Variants in RPL39L observed in about 807,000 individuals in gnomAD.
RPL39L encodes the protein ribosomal protein eL39-like 2.
For missense variants in RPL39L, 48 were observed against 58.9 expected (o/e 0.81, Z 0.61); for synonymous variants, 16 against 20.1 (o/e 0.80, Z 0.55).
At chr3:187,126,664 A>G (rs1292331818) in intron 2 of RPL39L, among the ~76,000 whole-genome samples, 1 of 152,236 alleles carries the variant, frequency 6.6e-6, no homozygotes, top group East Asian at 1.9e-4. Context: ...CAAAATAGTA[A>G]GGAATTATCA....
intron 1 of RPL39L, among the ~76,000 whole-genome samples, chr3:187,132,085 T>A (rs1314030328): frequency 1.3e-5 from 2 of 152,064 alleles, no homozygotes; most frequent in African/African-American, 4.8e-5. Context: ...CACATAACCA[T>A]TAGTTATGGT....
intron 1 of RPL39L, among the ~76,000 whole-genome samples, chr3:187,129,269 T>C (rs1720448410): frequency 6.6e-6 from 1 of 152,228 alleles, no homozygotes; most frequent in Non-Finnish European, 1.5e-5. Flanking sequence ...GTAGTCTAAA[T>C]ACATCTCCTA....
intron 1 of RPL39L, among the ~76,000 whole-genome samples, chr3:187,130,693 A>AT (rs1471362783): frequency 1.3e-5 from 2 of 152,214 alleles, no homozygotes; most frequent in African/African-American, 2.4e-5. Context: ...CCAGTCTCAG[A>AT]TATTTCCTTA....
At chr3:187,129,675 C>T (rs1026663864) in intron 1 of RPL39L, among the ~76,000 whole-genome samples, 8 of 152,120 alleles carry the variant, frequency 5.3e-5, no homozygotes, top group African/African-American at 1.9e-4. Context: ...TATGTAGTAC[C>T]TTTTCATTAA....
At chr3:187,133,281 G>A (rs980062362) in intron 1 of RPL39L, among the ~76,000 whole-genome samples, 2 of 152,174 alleles carry the variant, frequency 1.3e-5, no homozygotes, top group East Asian at 1.9e-4. Flanking sequence ...CCTGGTAGGA[G>A]GTGATTGGAT....
intron 2 of RPL39L, among the ~76,000 whole-genome samples, chr3:187,125,189 T>A (rs998259991): frequency 2.6e-5 from 4 of 152,200 alleles, no homozygotes; most frequent in African/African-American, 9.7e-5. Flanking sequence ...TGGTCCTGGC[T>A]CTCCATACCT....
intron 2 of RPL39L, among the ~76,000 whole-genome samples, chr3:187,123,371 A>T (rs1720344974): frequency 6.6e-6 from 1 of 152,220 alleles, no homozygotes. Context: ...GAAAATGCCA[A>T]ATGGGTGATA....
chr3:187,127,213 G>C (rs867119920), intron 2 of RPL39L, among the ~76,000 whole-genome samples: 1 of 152,248 alleles, frequency 6.6e-6, no homozygotes. Flanking sequence ...TGTTTTAAAA[G>C]CCCATCCAGG....
rs566889350 is a variant in RPL39L at position 187,139,378 on chromosome 3, G to A, written c.-258C>T. ...CCCCCGGCCTAGCTGCAGCCACCTT[G>A]TCGCAGGGGCCTTGGTGTCTCTGAG... On this transcript the variant is annotated 5_prime_UTR_variant, in exon 1 of 3. Coordinates refer to ENST00000296277, the MANE Select transcript of RPL39L (RefSeq NM_052969.3). 4 of 152,248 alleles carry A rather than the reference G, an allele frequency of 2.6e-5. 1 individual carries two copies. In the South Asian group the frequency reaches 8.3e-4, roughly 32 times the overall value. 9.4% of individuals were successfully genotyped at this position (152,248 alleles called of 1,614,324 possible).
At chr3:187,127,329 C>T (rs996326308) in intron 2 of RPL39L, among the ~76,000 whole-genome samples, 1 of 152,044 alleles carries the variant, frequency 6.6e-6, no homozygotes, top group African/African-American at 2.4e-5. Flanking sequence ...GAGAATGGAC[C>T]CAAGAATTTG....
At chr3:187,130,659 T>C (rs1024133644) in intron 1 of RPL39L, among the ~76,000 whole-genome samples, 1 of 152,194 alleles carries the variant, frequency 6.6e-6, no homozygotes, top group African/African-American at 2.4e-5. Context: ...CATAAGCCAA[T>C]TAAACCTCTT....
intron 1 of RPL39L, among the ~76,000 whole-genome samples, chr3:187,136,846 GATTT>G (rs1233172876): frequency 1.3e-5 from 2 of 152,018 alleles, no homozygotes; most frequent in African/African-American, 2.4e-5. Flanking sequence ...TATTTAATCT[GATTT>G]ATTTAAAATA....
In RPL39L at chr3:187,121,002, G is replaced by T; in HGVS notation, c.*143C>A. 1.2e-6 allele frequency: 1 copy of T among 866,478 alleles called. No homozygotes were observed. The highest frequency in any genetic ancestry group is 1.6e-5 in the South Asian group (1 of 63,110). 53.7% of individuals were successfully genotyped at this position (866,478 alleles called of 1,614,324 possible). A position where few individuals can be genotyped will look rare whatever the true frequency, so the allele number is the denominator to read the frequency against. ...TTACTGAATCCACCCTACTAGCACAGAGCATACAGAAAAACAGAAAAAAAT... is the reference window on the plus strand; with the variant it reads ...TTACTGAATCCACCCTACTAGCACATAGCATACAGAAAAACAGAAAAAAAT... On this transcript the variant is annotated 3_prime_UTR_variant, in exon 3 of 3. Transcript: ENST00000296277.
intron 1 of RPL39L, among the ~76,000 whole-genome samples, chr3:187,131,262 G>A (rs1398638650): frequency 1.3e-5 from 2 of 151,860 alleles, no homozygotes; most frequent in Middle Eastern, 6.3e-3. Context: ...CACATCACCT[G>A]CCTGCATTTT....
chr3:187,125,264 G>A (rs1443518326), intron 2 of RPL39L, among the ~76,000 whole-genome samples: 1 of 152,186 alleles, frequency 6.6e-6, no homozygotes, highest in Non-Finnish European at 1.5e-5. Flanking sequence ...ATACTTGTGA[G>A]AGCAATATTT....
Position 187,121,057 on chromosome 3 carries a change from G to A in RPL39L, c.*88C>T. 1.4e-6 allele frequency: 2 copies of A among 1,426,802 alleles called. No homozygotes were observed. Among genetic ancestry groups the A allele is most frequent in the South Asian group, 1.2e-5 (1 of 83,730 alleles). 88.4% of individuals were successfully genotyped at this position (1,426,802 alleles called of 1,614,324 possible). A position where few individuals can be genotyped will look rare whatever the true frequency, so the allele number is the denominator to read the frequency against. ...CCAGTAAAACATGTGCAACTGTCCA[G>A]GTAGTGGTGACATTTTCAGCTTGAT... is the stretch of plus-strand genomic sequence containing the variant. On this transcript the variant is annotated 3_prime_UTR_variant, in exon 3 of 3. Coordinates refer to ENST00000296277, the MANE Select transcript of RPL39L (RefSeq NM_052969.3).
rs1720644542 is a variant in RPL39L at position 187,139,240 on chromosome 3, AC to A, written c.-121del. The A allele has an allele frequency of 6.6e-6, 1 of 151,200 alleles. No individual in the cohort carries two copies. The highest frequency in any genetic ancestry group is 2.1e-4 in the South Asian group (1 of 4,774). 9.4% of individuals were successfully genotyped at this position (151,200 alleles called of 1,614,324 possible). A position where few individuals can be genotyped will look rare whatever the true frequency, so the allele number is the denominator to read the frequency against. On this transcript the variant is annotated 5_prime_UTR_variant, in exon 1 of 3. In the 5' UTR this introduces an upstream ATG that the reference lacks. Coordinates refer to ENST00000296277, the MANE Select transcript of RPL39L (RefSeq NM_052969.3). The stretch of plus-strand genomic sequence containing the variant: ...GCGCCCTGGCCTCTGCTTTTTTCCC[AC>A]TCTAGGACGCAAATCTCGATCTGCA...
At chr3:187,128,416 A>G (rs148289469) in intron 1 of RPL39L, among the ~76,000 whole-genome samples, 1 of 152,126 alleles carries the variant, frequency 6.6e-6, no homozygotes, top group Non-Finnish European at 1.5e-5. Flanking sequence ...AATATTTGCC[A>G]TTTTTTTGAT....
chr3:187,136,971 G>A (rs773339556), intron 1 of RPL39L, among the ~76,000 whole-genome samples: 1 of 151,236 alleles, frequency 6.6e-6, no homozygotes, highest in East Asian at 1.9e-4. Context: ...TTTGGGAGGC[G>A]AGAGGATTGC....
Sources: allele counts gnomAD v4.1 joint callset (sites outside exome capture counted in the v4.1 genomes callset), GRCh38; gene constraint gnomAD v4.1.1; transcripts MANE v1.5; gene names NCBI Gene and HGNC (gene_info 2026-07-23, HGNC 2026-07-21).